Variants in ACLY observed in about 807,000 individuals in gnomAD.
ACLY encodes ATP citrate lyase.
In ACLY, 41 loss-of-function variants were observed where a neutral mutation model predicts 133.0. The observed-to-expected ratio is 0.31, with a 90% confidence interval of 0.24 to 0.40. The LOEUF (loss-of-function observed/expected upper bound fraction) is 0.40, where lower values mean the gene tolerates loss of function less well. Among genes scored for constraint, ACLY ranks in the 10% least tolerant of loss-of-function variants. ACLY has a pLI of 1.00. For missense variants in ACLY, 1,046 were observed against 1,453.8 expected, an observed-to-expected ratio of 0.72 and a Z score of 4.56; for synonymous variants, 495 against 549.3, an observed-to-expected ratio of 0.90 and a Z score of 1.38.
intron 1 of ACLY, among the ~76,000 whole-genome samples, chr17:41,924,613 C>G (rs1228323261): frequency 6.6e-6 from 1 of 152,156 alleles, no homozygotes; most frequent in African/African-American, 2.4e-5. Flanking sequence ...TTGCCCAGTA[C>G]TGACAAACCT....
rs17554637 is a variant in ACLY at position 41,918,925 on chromosome 17, A to T, written c.-69T>A. ...GGCGCTTCTTCCACAGGCCCGACGA[A>T]CCCCGCAAAATCCGGAGCACCCCAG... On this transcript the variant is annotated 5_prime_UTR_variant, in exon 1 of 29. Coordinates refer to ENST00000352035, the MANE Select transcript of ACLY (RefSeq NM_001096.3). The T allele has an allele frequency of 6.5e-5, 84 of 1,288,822 alleles. No individual in the cohort carries two copies. The East Asian group carries it at 4.6e-3, about 71-fold the overall frequency. The allele number at this position is 1,288,822 out of a possible 1,614,324, so 79.8% of individuals were successfully genotyped here.
At chr17:41,879,554 G>A (rs1484516706) in intron 20 of ACLY, among the ~76,000 whole-genome samples, 1 of 138,964 alleles carries the variant, frequency 7.2e-6, no homozygotes, top group Non-Finnish European at 1.5e-5. Context: ...CAATAGCTGG[G>A]ACTATAGATA....
chr17:41,881,085 C>T (rs1191113161), intron 20 of ACLY, among the ~76,000 whole-genome samples: 3 of 150,568 alleles, frequency 2.0e-5, no homozygotes, highest in Admixed American at 6.6e-5. Flanking sequence ...GGCTGTTGGG[C>T]GAGTACAGAG....
intron 22 of ACLY, among the ~76,000 whole-genome samples, chr17:41,875,560 G>GC (rs1163119860): frequency 1.3e-5 from 2 of 152,120 alleles, no homozygotes; most frequent in Admixed American, 1.3e-4. Flanking sequence ...TCCTGCCTCA[G>GC]CCTGCCGAGT....
chr17:41,878,042 C>A, intron 22 of ACLY, 61 bp downstream of exon 22: 2 of 1,246,840 alleles, frequency 1.6e-6, no homozygotes, highest in African/African-American at 1.5e-5. Flanking sequence ...ACGCGAAACC[C>A]ACCACCATAG....
At chr17:41,878,045 C>T (rs1226509225) in intron 22 of ACLY, 58 bp downstream of exon 22, 4 of 1,264,818 alleles carry the variant, frequency 3.2e-6, no homozygotes, top group Non-Finnish European at 4.2e-6. Flanking sequence ...CGAAACCCAC[C>T]ACCATAGACC....
At chr17:41,901,606 G>T in intron 11 of ACLY, 90 bp downstream of exon 11, 3 of 1,116,134 alleles carry the variant, frequency 2.7e-6, no homozygotes, top group South Asian at 2.7e-5. Flanking sequence ...GAGCAAAAGA[G>T]CCTAAGACTG....
In ACLY at chr17:41,868,713, G is replaced by A. The variant is rs781947007; in HGVS notation, c.3207C>T (p.Phe1069=). The change falls in exon 28 of 29, where the codon TTC becomes TTT. Residue 1069 remains phenylalanine (F), a synonymous_variant. Transcript: ENST00000352035. ...AACAACAACGAATGGACTCACCAAT[G>A]AACCCCATACTCCTTCCCAGCACAA... ...GIFVLGRSMG[F]IGHYLDQKRL... The A allele has an allele frequency of 6.2e-7, 1 of 1,612,616 alleles. No homozygotes were observed. The highest frequency in any genetic ancestry group is 8.5e-7 in the Non-Finnish European group (1 of 1,179,582).
intron 14 of ACLY, 116 bp downstream of exon 14, chr17:41,896,504 A>T: frequency 1.1e-6 from 1 of 947,646 alleles, no homozygotes; most frequent in Non-Finnish European, 1.6e-6. Context: ...CAGGGACAGA[A>T]AATAGACCAG....
At chr17:41,926,746 C>T (rs1001863656) in intron 1 of ACLY, among the ~76,000 whole-genome samples, 1 of 152,164 alleles carries the variant, frequency 6.6e-6, no homozygotes, top group African/African-American at 2.4e-5. Flanking sequence ...GCCTCGGCCT[C>T]CCAAAGTGCT....
intron 22 of ACLY, among the ~76,000 whole-genome samples, chr17:41,875,471 ACG>A (rs2048715873): frequency 7.3e-6 from 1 of 137,818 alleles, no homozygotes. Context: ...CCCTCTCCCC[ACG>A]GTCTCCCTCT....
At chr17:41,871,958 C>T (rs2048609113) in intron 24 of ACLY, 74 bp downstream of exon 24, 1 of 1,599,186 alleles carries the variant, frequency 6.3e-7, no homozygotes, top group Non-Finnish European at 8.5e-7. Context: ...CTTCTAGGGC[C>T]CTGCTGTGGC....
chr17:41,920,043 A>G (rs891410927), upstream of ACLY, among the ~76,000 whole-genome samples: 7 of 152,334 alleles, frequency 4.6e-5, no homozygotes, highest in African/African-American at 1.7e-4. Context: ...TGAAGAGGTC[A>G]GCCCAGAATG....
rs782616451 is a variant in ACLY at position 41,873,799 on chromosome 17, C to T, written c.2642+12G>A. ...CTGCAGGGCCCTGTAATCTTCTGCC[C>T]TCCATGCTCACCTTTTCTGGAACCA... On this transcript the variant is annotated intron_variant, in intron 23 of 28. Coordinates refer to ENST00000352035, the MANE Select transcript of ACLY (RefSeq NM_001096.3). The T allele has an allele frequency of 4.5e-6, 7 of 1,548,804 alleles. No homozygotes were observed. Among genetic ancestry groups the T allele is most frequent in the Non-Finnish European group, 6.1e-6 (7 of 1,141,508 alleles).
chr17:41,898,257 C>A (rs527750005), intron 12 of ACLY, among the ~76,000 whole-genome samples: 105 of 152,252 alleles, frequency 6.9e-4, no homozygotes, highest in African/African-American at 2.5e-3. Flanking sequence ...GGATTACAGA[C>A]ATGCACCACC....
chr17:41,891,683 T>A (rs2049217503), intron 16 of ACLY, among the ~76,000 whole-genome samples: 1 of 151,870 alleles, frequency 6.6e-6, no homozygotes, highest in Non-Finnish European at 1.5e-5. Context: ...ATGCCCAGCG[T>A]ATATTTTATT....
At chr17:41,872,637 T>G (rs1321293913) in intron 23 of ACLY, among the ~76,000 whole-genome samples, 2 of 152,158 alleles carry the variant, frequency 1.3e-5, no homozygotes, top group Non-Finnish European at 2.9e-5. Flanking sequence ...CCCCAAATAC[T>G]GTTTGTAAAA....
intron 3 of ACLY, among the ~76,000 whole-genome samples, chr17:41,911,482 C>G (rs2049899337): frequency 6.6e-6 from 1 of 152,228 alleles, no homozygotes; most frequent in Non-Finnish European, 1.5e-5. Context: ...CTTTAACTCT[C>G]TCATCTACGT....
Position 41,892,265 on chromosome 17 carries a change from G to C in ACLY, c.1770+14C>G. On this transcript the variant is annotated intron_variant, in intron 16 of 28. Coordinates refer to ENST00000352035, the MANE Select transcript of ACLY (RefSeq NM_001096.3). ...TGGTCCCCACCCCCCACCCTCCAGA[G>C]CCCAGTGATCTACCTGGGCATAGTT... The C allele has an allele frequency of 1.0e-6, 1 of 991,608 alleles. No homozygotes were observed. The highest frequency in any genetic ancestry group is 2.1e-5 in the South Asian group (1 of 48,744). 61.4% of individuals were successfully genotyped at this position (991,608 alleles called of 1,614,324 possible). A position where few individuals can be genotyped will look rare whatever the true frequency, so the allele number is the denominator to read the frequency against.
Sources: allele counts gnomAD v4.1 joint callset (sites outside exome capture counted in the v4.1 genomes callset), GRCh38; gene constraint gnomAD v4.1.1; transcripts MANE v1.5; gene names NCBI Gene and HGNC (gene_info 2026-07-23, HGNC 2026-07-21).